Variants in DYRK2 observed in about 807,000 individuals in gnomAD.
The protein encoded by DYRK2 is dual specificity tyrosine-phosphorylation-regulated kinase 2.
DYRK2 carries 12 observed loss-of-function variants against 41.6 expected under a neutral mutation model. The observed-to-expected ratio is 0.29, with a 90% CI of 0.18 to 0.47. The LOEUF is 0.47. Among genes scored for constraint, DYRK2 ranks in the 20% least tolerant of loss-of-function variants. The pLI, the probability that DYRK2 is intolerant of heterozygous loss-of-function variation, is 1.00. For synonymous variants in DYRK2, 322 were observed against 315.7 expected (o/e 1.02, Z -0.21); for missense variants, 678 against 798.4 (o/e 0.85, Z 1.82).
rs1228664271 is a variant in DYRK2, at chr12:67,658,394, G to C, written c.1487G>C (p.Trp496Ser). The C allele has an allele frequency of 1.9e-6, 3 of 1,602,916 alleles. No individual in the cohort carries two copies. Among genetic ancestry groups the C allele is most frequent in the Non-Finnish European group, 2.6e-6 (3 of 1,175,170 alleles). ...AGGGGCCCACCGGAGAGCAGAGAGT[G>C]GGGGAACGCGCTGAAGGGGTGTGAT... ...KLRGPPESRE[W>S]GNALKGCDDP... The change falls in exon 3 of 3, where the codon TGG becomes TCG. Residue 496 changes from tryptophan (W) to serine (S), a missense_variant. Transcript: ENST00000344096. The surrounding 1 kb of genome is among the most constrained non-coding windows in gnomAD (Gnocchi z 4.3).
Position 67,658,888 on chromosome 12 carries a change from T to C in DYRK2, c.*175T>C. On this transcript the variant is annotated 3_prime_UTR_variant, in exon 3 of 3. Coordinates refer to ENST00000344096, the MANE Select transcript of DYRK2 (RefSeq NM_006482.3). This position sits in a 1 kb window ranked among gnomAD's most constrained non-coding sequence, Gnocchi z 4.3. ...GTTCATTTTGTTTTTATAAAATACA[T>C]GAGGACAATGCTTTAAGTTTTTATA... is the stretch of plus-strand genomic sequence containing the variant. 1.4e-6 allele frequency: 1 copy of C among 692,084 alleles called. No individual in the cohort carries two copies. The highest frequency in any genetic ancestry group is 2.3e-6 in the Non-Finnish European group (1 of 443,836). The allele number at this position is 692,084 out of a possible 1,614,324, so 42.9% of individuals were successfully genotyped here.
chr12:67,662,996 CTTTTA>C lies in DYRK2; in HGVS notation c.*4289_*4293del, dbSNP rs1872663664. ...TTATTATGCTAGAGCTTCATATCTT[CTTTTA>C]TTTTAACCTTCACAATGATAGTTAA... On this transcript the variant is annotated 3_prime_UTR_variant, in exon 3 of 3. Coordinates refer to ENST00000344096, the MANE Select transcript of DYRK2 (RefSeq NM_006482.3). 6.6e-6 allele frequency: 1 copy of C among 152,064 alleles called. No homozygotes were observed. The highest frequency in any genetic ancestry group is 2.4e-5 in the African/African-American group (1 of 41,406). The allele number at this position is 152,064 out of a possible 1,614,324, so 9.4% of individuals were successfully genotyped here.
In DYRK2 at chr12:67,658,576, A is replaced by G. The variant is rs1872547741; in HGVS notation, c.1669A>G (p.Thr557Ala). 2 of 1,614,196 alleles carry G rather than the reference A, an allele frequency of 1.2e-6. No individual in the cohort carries two copies. The highest frequency in any genetic ancestry group is 1.7e-6 in the Non-Finnish European group (2 of 1,180,036). ...KTSVKRITES[T>A]GAITSISKLP... is the part of the protein sequence containing the mutation. ...GTCAGTGAAAAGGATAACTGAGAGC[A>G]CCGGTGCTATCACATCTATATCCAA... is the stretch of plus-strand genomic sequence containing the variant. The change falls in exon 3 of 3, where the codon ACC becomes GCC. Residue 557 changes from threonine to alanine, a missense_variant. Physicochemically the swap from Thr to Ala is moderately conservative, Grantham distance 58. Around this residue, in one of 2 missense-constraint regions of DYRK2, gnomAD observed 393 missense variants for 519.1 expected, o/e 0.76. Coordinates refer to ENST00000344096, the MANE Select transcript of DYRK2 (RefSeq NM_006482.3). This position sits in a 1 kb window ranked among gnomAD's most constrained non-coding sequence, Gnocchi z 4.3.
intron 1 of DYRK2, 22 bp downstream of exon 1, chr12:67,649,204 G>T (rs1872229152): frequency 1.3e-6 from 2 of 1,482,966 alleles, no homozygotes; most frequent in Non-Finnish European, 1.8e-6. Flanking sequence ...GTGCCGCCGC[G>T]CCGCATCCCC....
chr12:67,650,040 AG>A, intron 2 of DYRK2, 95 bp downstream of exon 2: 1 of 1,211,912 alleles, frequency 8.3e-7, no homozygotes, highest in South Asian at 3.2e-5. Context: ...CCGGGAGAAG[AG>A]GGGTCGAGAT....
At chr12:67,649,685 C>A in intron 1 of DYRK2, 112 bp from the exon 2 acceptor site, 1 of 1,177,658 alleles carries the variant, frequency 8.5e-7, no homozygotes. Flanking sequence ...CGGTCTCTTC[C>A]TCCGTCTTTC....
At chr12:67,649,300 G>T in intron 1 of DYRK2, 118 bp downstream of exon 1, 1 of 819,668 alleles carries the variant, frequency 1.2e-6, no homozygotes, top group Middle Eastern at 4.3e-4. Context: ...CGCGGCGCGG[G>T]GGAGCCCCCG....
At chr12:67,655,899 A>G (rs1325112354) in intron 2 of DYRK2, among the ~76,000 whole-genome samples, 2 of 152,258 alleles carry the variant, frequency 1.3e-5, no homozygotes, top group East Asian at 3.8e-4. Context: ...AGGGGATAGT[A>G]GAAAAAATAC....
Position 67,661,158 on chromosome 12 carries a change from C to G in DYRK2, c.*2445C>G, listed in dbSNP as rs186367036. 8 of 166,560 alleles carry G rather than the reference C, an allele frequency of 4.8e-5. No individual in the cohort carries two copies. The highest frequency in any genetic ancestry group is 1.4e-4 in the African/African-American group (6 of 41,406). 10.3% of individuals were successfully genotyped at this position (166,560 alleles called of 1,614,324 possible). ...TTTATTCACAAGAGCTGCCACATCT[C>G]AGCATTTAGTAATAGAGCTGCTTTA... On this transcript the variant is annotated 3_prime_UTR_variant, in exon 3 of 3. Transcript: ENST00000344096.
At position 67,657,083 on chromosome 12, in the gene DYRK2, T is replaced by G; in HGVS notation, c.199-23T>G. ...GAACAGACACCACTTCTTTTCTATT[T>G]ATATTTCCTGTCTGAATTCCAGATT... is the stretch of plus-strand genomic sequence containing the variant. On this transcript the variant is annotated intron_variant, in intron 2 of 2. Transcript: ENST00000344096. This position sits in a 1 kb window ranked among gnomAD's most constrained non-coding sequence, Gnocchi z 4.8. 6.5e-7 allele frequency: 1 copy of G among 1,529,962 alleles called. No homozygotes were observed. Among genetic ancestry groups the G allele is most frequent in the Non-Finnish European group, 8.8e-7 (1 of 1,138,266 alleles). 94.8% of individuals were successfully genotyped at this position (1,529,962 alleles called of 1,614,324 possible).
Position 67,659,832 on chromosome 12 carries a change from T to G in DYRK2, c.*1119T>G, listed in dbSNP as rs550673923. On this transcript the variant is annotated 3_prime_UTR_variant, in exon 3 of 3. Coordinates refer to ENST00000344096, the MANE Select transcript of DYRK2 (RefSeq NM_006482.3). ...TCCTCTGGACGAACAGAAGTCACTT[T>G]GGCTGTTCAGTAAGGCCAATGTTAA... 4.8e-4 allele frequency: 81 copies of G among 167,232 alleles called. No homozygotes were observed. Among genetic ancestry groups the G allele is most frequent in the African/African-American group, 1.9e-3 (79 of 41,588 alleles). The allele number at this position is 167,232 out of a possible 1,614,324, so 10.4% of individuals were successfully genotyped here.
chr12:67,652,048 TG>T (rs1872336967), intron 2 of DYRK2, among the ~76,000 whole-genome samples: 1 of 151,468 alleles, frequency 6.6e-6, no homozygotes, highest in South Asian at 2.1e-4. Context: ...CTAGAATGAA[TG>T]GGGGGCGGGA....
Position 67,649,970 on chromosome 12 carries a change from C to CGGGCGGTGG in DYRK2, c.198+32_198+40dup, listed in dbSNP as rs755620501. ...GGTGAGACCCAGCCCGCGGGCGGCCCGGGCGGTGGGGGCGGGAGGGGCCCC... is the reference window on the plus strand; with the variant it reads ...GGTGAGACCCAGCCCGCGGGCGGCCCGGGCGGTGGGGGCGGTGGGGGCGGGAGGGGCCCC... On this transcript the variant is annotated intron_variant, in intron 2 of 2. Transcript: ENST00000344096. 8 of 1,324,636 alleles carry CGGGCGGTGG rather than the reference C, an allele frequency of 6.0e-6. No homozygotes were observed. In the African/African-American group the frequency reaches 7.7e-5, roughly 13 times the overall value. 82.1% of individuals were successfully genotyped at this position (1,324,636 alleles called of 1,614,324 possible).
rs1266889347 is a variant in DYRK2, at chr12:67,658,404, G to A, written c.1497G>A (p.Ala499=). 6 of 1,598,214 alleles carry A rather than the reference G, an allele frequency of 3.8e-6. No individual in the cohort carries two copies. Among genetic ancestry groups the A allele is most frequent in the Middle Eastern group, 1.7e-4 (1 of 5,898 alleles). The change falls in exon 3 of 3, where the codon GCG becomes GCA. Residue 499 remains alanine, a synonymous_variant. Coordinates refer to ENST00000344096, the MANE Select transcript of DYRK2 (RefSeq NM_006482.3). The surrounding 1 kb of genome is among the most constrained non-coding windows in gnomAD (Gnocchi z 4.3). ...GPPESREWGN[A]LKGCDDPLFL... ...CGGAGAGCAGAGAGTGGGGGAACGC[G>A]CTGAAGGGGTGTGATGATCCCCTTT...
chr12:67,655,223 G>A (rs2120826086), intron 2 of DYRK2, among the ~76,000 whole-genome samples: 1 of 152,274 alleles, frequency 6.6e-6, no homozygotes, highest in East Asian at 1.9e-4. Flanking sequence ...TCCTAATGAA[G>A]AGCTTTATGC....
intron 2 of DYRK2, 130 bp downstream of exon 2, chr12:67,650,075 C>T (rs966495589): frequency 1.5e-5 from 15 of 1,012,190 alleles, no homozygotes; most frequent in Non-Finnish European, 1.9e-5. Flanking sequence ...CGCCTCGGGC[C>T]GATGGTCTCT....
At chr12:67,651,531 G>C (rs748718806) in intron 2 of DYRK2, 1 of 451,998 alleles carries the variant, frequency 2.2e-6, no homozygotes, top group Non-Finnish European at 4.4e-6. Context: ...GGAAGGATGC[G>C]AATGTGCTTC....
In DYRK2 at chr12:67,648,932, C is replaced by A. The variant is rs1872214500; in HGVS notation, c.-202C>A. 2 of 376,018 alleles carry A rather than the reference C, an allele frequency of 5.3e-6. No individual in the cohort carries two copies. The highest frequency in any genetic ancestry group is 9.3e-5 in the East Asian group (2 of 21,614). 23.3% of individuals were successfully genotyped at this position (376,018 alleles called of 1,614,324 possible). On this transcript the variant is annotated 5_prime_UTR_variant, in exon 1 of 3. Transcript: ENST00000344096. ...AGGAGGACGGCGGCGAGGAGGAGAG[C>A]GGGGGGCTCGCGGCGGCGGGCCCCG... is the stretch of plus-strand genomic sequence containing the variant.
At chr12:67,655,808 A>T (rs543760149) in intron 2 of DYRK2, among the ~76,000 whole-genome samples, 85 of 152,362 alleles carry the variant, frequency 5.6e-4, no homozygotes, top group African/African-American at 2.0e-3. Flanking sequence ...TTCCCAAATC[A>T]TGTTTTGAAT....
Sources: gnomAD v4.1 joint callset for allele counts (sites outside exome capture counted in the v4.1 genomes callset) on GRCh38, gnomAD v4.1.1 for gene constraint, gnomAD v4.1.1 regional missense constraint, Gnocchi (gnomAD v3.1) non-coding constraint, MANE v1.5 for transcripts, NCBI Gene and HGNC (gene_info 2026-07-23, HGNC 2026-07-21) for gene names.